The following PSMB7 variants were observed in gnomAD, a reference collection of about 807,000 sequenced individuals.
PSMB7 encodes the protein proteasome subunit beta type-7.
A neutral mutation model predicts 28.1 loss-of-function variants in PSMB7; 5 were observed. The observed-to-expected ratio is 0.18, with a 90% CI of 0.09 to 0.37. The LOEUF (loss-of-function observed/expected upper bound fraction) is 0.37. Ranked by LOEUF, PSMB7 falls within the 10% of genes least tolerant of loss-of-function variation. PSMB7 has a pLI of 1.00. For synonymous variants in PSMB7, 122 were observed against 123.7 expected, an observed-to-expected ratio of 0.99 and a Z score of 0.09; for missense variants, 275 against 346.2, an observed-to-expected ratio of 0.79 and a Z score of 1.63.
rs189118399 is a variant in PSMB7, at chr9:124,401,373, A to T, written c.511+3944T>A. The stretch of plus-strand genomic sequence containing the variant: ...AATGCATTCTTCTAGGTTCATGTGA[A>T]TTTACCTGTCTAATACCTGTCTCCC... On this transcript the variant is annotated intron_variant, in intron 5 of 7. Coordinates refer to ENST00000259457, the MANE Select transcript of PSMB7 (RefSeq NM_002799.4). Among the ~76,000 whole-genome samples, 251 of 152,340 alleles carry T rather than the reference A, an allele frequency of 1.6e-3. 1 individual carries two copies. The highest frequency in any genetic ancestry group is 2.5e-3 in the Non-Finnish European group (169 of 68,028).
At chr9:124,376,409 TA>T (rs1198841586) in intron 6 of PSMB7, among the ~76,000 whole-genome samples, 1 of 152,134 alleles carries the variant, frequency 6.6e-6, no homozygotes, top group Non-Finnish European at 1.5e-5. Context: ...AATCTAGAAT[TA>T]AAAGAAAAAA....
intron 6 of PSMB7, among the ~76,000 whole-genome samples, chr9:124,358,234 G>C (rs576931440): frequency 3.6e-4 from 55 of 152,246 alleles, no homozygotes; most frequent in African/African-American, 8.4e-4. Context: ...GAACCCACTG[G>C]GGGCTCCTGC....
chr9:124,414,809 A>C, intron 2 of PSMB7, 33 bp downstream of exon 2: 2 of 1,574,808 alleles, frequency 1.3e-6, no homozygotes, highest in Non-Finnish European at 1.7e-6. Context: ...TTGCCGGTTC[A>C]GTCACTGCTG....
chr9:124,362,852 AAAT>A (rs1830476112), intron 6 of PSMB7, among the ~76,000 whole-genome samples: 1 of 152,244 alleles, frequency 6.6e-6, no homozygotes, highest in Non-Finnish European at 1.5e-5. Flanking sequence ...TTGCCAAGCC[AAAT>A]AATTAATTTT....
intron 5 of PSMB7, among the ~76,000 whole-genome samples, chr9:124,403,632 A>G (rs1830934523): frequency 1.3e-5 from 2 of 152,216 alleles, no homozygotes; most frequent in South Asian, 4.1e-4. Context: ...CAGGCCAGGC[A>G]TTGGAGCACA....
intron 5 of PSMB7, among the ~76,000 whole-genome samples, chr9:124,392,209 A>C (rs1830794273): frequency 6.6e-6 from 1 of 152,214 alleles, no homozygotes; most frequent in African/African-American, 2.4e-5. Context: ...TCCTATTCTG[A>C]AGCATGGGTT....
intron 5 of PSMB7, among the ~76,000 whole-genome samples, chr9:124,385,047 G>A (rs1830705490): frequency 6.6e-6 from 1 of 152,186 alleles, no homozygotes; most frequent in East Asian, 1.9e-4. Flanking sequence ...CAGGCTGCTG[G>A]GTATAGCGCT....
In PSMB7 at chr9:124,415,419, C is replaced by G; in HGVS notation, c.7G>C (p.Ala3Pro). The G allele has an allele frequency of 6.2e-7, 1 of 1,614,100 alleles. No individual in the cohort carries two copies. Among genetic ancestry groups the G allele is most frequent in the Non-Finnish European group, 8.5e-7 (1 of 1,179,988 alleles). The part of the protein sequence containing the change: MA[A>P]VSVYAPPVGG... ...ACTGGTGGAGCATACACCGACACAG[C>G]CGCCATCTTCCCAAGAAAGCAGTTC... The change falls in exon 1 of 8, where the codon GCT (alanine) becomes CCT (proline). Residue 3 changes from alanine to proline, a missense_variant. By Grantham distance (27) the Ala-to-Pro change is conservative. Transcript: ENST00000259457.
chr9:124,381,882 G>C (rs907037810), intron 6 of PSMB7, among the ~76,000 whole-genome samples: 3 of 152,120 alleles, frequency 2.0e-5, no homozygotes, highest in Admixed American at 1.3e-4. Flanking sequence ...CAATTAATCT[G>C]CTGACAGCTG....
At chr9:124,360,003 G>A (rs1349844066) in intron 6 of PSMB7, among the ~76,000 whole-genome samples, 4 of 152,290 alleles carry the variant, frequency 2.6e-5, no homozygotes, top group Admixed American at 2.0e-4. Flanking sequence ...CACAGTTAAT[G>A]TCTTTAACAC....
chr9:124,408,585 A>AT (rs1830992361), intron 4 of PSMB7, among the ~76,000 whole-genome samples: 1 of 152,224 alleles, frequency 6.6e-6, no homozygotes, highest in African/African-American at 2.4e-5. Flanking sequence ...ATTTTCCCCC[A>AT]TAAGAGTACA....
chr9:124,354,938 G>A (rs1017417596), intron 7 of PSMB7, among the ~76,000 whole-genome samples: 6 of 152,238 alleles, frequency 3.9e-5, no homozygotes, highest in South Asian at 2.1e-4. Context: ...TCCGCCTTAC[G>A]TGCCAGTGGA....
intron 6 of PSMB7, among the ~76,000 whole-genome samples, chr9:124,370,577 A>G (rs575977964): frequency 2.0e-5 from 3 of 152,302 alleles, no homozygotes; most frequent in African/African-American, 7.2e-5. Flanking sequence ...GGCTAGAAAC[A>G]AAACTTCTCT....
intron 7 of PSMB7, among the ~76,000 whole-genome samples, chr9:124,354,521 C>T (rs1261078085): frequency 3.9e-5 from 6 of 152,126 alleles, no homozygotes; most frequent in South Asian, 2.1e-4. Flanking sequence ...CTTGTGCTCC[C>T]GGAACACCCA....
At chr9:124,400,317 T>C (rs1830888402) in intron 5 of PSMB7, among the ~76,000 whole-genome samples, 1 of 152,194 alleles carries the variant, frequency 6.6e-6, no homozygotes, top group Non-Finnish European at 1.5e-5. Context: ...ATCCGTGAGG[T>C]GGTGGGAGAC....
At position 124,413,949 on chromosome 9, in the gene PSMB7, G is replaced by A; in HGVS notation, c.213C>T (p.Asp71=). ...TRATEGMVVA[D]KNCSKIHFIS... is the part of the protein sequence containing the mutation. ...TGAAGTGTATTTTTGAACAGTTCTT[G>A]TCAGCAACAACCATCCCTTCAGTTG... is the stretch of plus-strand genomic sequence containing the variant. Residue 71 remains aspartate, a synonymous_variant, in exon 3 of 8, where the codon GAC becomes GAT. Coordinates refer to ENST00000259457, the MANE Select transcript of PSMB7 (RefSeq NM_002799.4). 4 of 1,612,918 alleles carry A rather than the reference G, an allele frequency of 2.5e-6. No homozygotes were observed. Among genetic ancestry groups the A allele is most frequent in the Non-Finnish European group, 3.4e-6 (4 of 1,179,334 alleles).
chr9:124,354,060 C>T (rs768223834), intron 7 of PSMB7, among the ~76,000 whole-genome samples: 4 of 152,180 alleles, frequency 2.6e-5, no homozygotes, highest in Non-Finnish European at 4.4e-5. Flanking sequence ...CAGCAGGAAG[C>T]AAATCCCATC....
At chr9:124,380,473 C>T (rs1262310489) in intron 6 of PSMB7, among the ~76,000 whole-genome samples, 1 of 151,984 alleles carries the variant, frequency 6.6e-6, no homozygotes, top group African/African-American at 2.4e-5. Context: ...CCTGGGAAGT[C>T]GAGGCTGCAG....
Position 124,384,637 on chromosome 9 carries a change from T to C in PSMB7, c.531A>G (p.Ala177=). 6.2e-7 allele frequency: 1 copy of C among 1,613,834 alleles called. No homozygotes were observed. Among genetic ancestry groups the C allele is most frequent in the Non-Finnish European group, 8.5e-7 (1 of 1,179,876 alleles). Residue 177 remains alanine, a synonymous_variant, in exon 6 of 8, where the codon GCA becomes GCG. Transcript: ENST00000259457. ...YVTMGSGSLA[A]MAVFEDKFRP... ...TAAACTTATCTTCAAATACAGCCAT[T>C]GCTGCCAAGGAGCCAGAACCTGCAA... is the stretch of plus-strand genomic sequence containing the variant.
Sources: allele counts gnomAD v4.1 joint callset (sites outside exome capture counted in the v4.1 genomes callset), GRCh38; gene constraint gnomAD v4.1.1; transcripts MANE v1.5; gene names NCBI Gene and HGNC (gene_info 2026-07-23, HGNC 2026-07-21).